The following DGKD variants were observed in gnomAD, a reference collection of about 807,000 sequenced individuals.
DGKD encodes the protein DAG kinase delta.
DGKD carries 68 observed loss-of-function variants against 154.4 expected under a neutral mutation model. The observed-to-expected ratio is 0.44, with a 90% CI of 0.36 to 0.54. The LOEUF (loss-of-function observed/expected upper bound fraction) is 0.54. Among genes scored for constraint, DGKD ranks in the 20% least tolerant of loss-of-function variants. The probability of loss-of-function intolerance (pLI) is 0.00; values close to 1 mark genes in which losing one functional copy is unlikely to be tolerated. For missense variants in DGKD, 1,343 were observed against 1,593.6 expected (o/e 0.84, Z 2.68); for synonymous variants, 693 against 638.0 (o/e 1.09, Z -1.30).
chr2:233,456,352 C>T (rs554986394), intron 19 of DGKD, among the ~76,000 whole-genome samples: 1 of 152,256 alleles, frequency 6.6e-6, no homozygotes, highest in Admixed American at 6.5e-5. Context: ...GCATTGCCGG[C>T]GCAGGGTAAA....
intron 3 of DGKD, among the ~76,000 whole-genome samples, chr2:233,410,475 A>G (rs1343573047): frequency 1.3e-5 from 2 of 152,180 alleles, no homozygotes; most frequent in African/African-American, 4.8e-5. Flanking sequence ...ATCACTAGAT[A>G]CCTTGGGGTG....
intron 3 of DGKD, among the ~76,000 whole-genome samples, chr2:233,400,352 G>A (rs2061530002): frequency 6.6e-6 from 1 of 152,222 alleles, no homozygotes; most frequent in Non-Finnish European, 1.5e-5. Flanking sequence ...TCGGAGGGCA[G>A]GGAGCCTGGA....
chr2:233,451,129 G>C lies in DGKD; in HGVS notation c.2167+79G>C, dbSNP rs916442749. 6.0e-6 allele frequency: 9 copies of C among 1,496,046 alleles called. No homozygotes were observed. In the South Asian group the frequency reaches 1.0e-4, roughly 17 times the overall value. The allele number at this position is 1,496,046 out of a possible 1,614,324, so 92.7% of individuals were successfully genotyped here. A position where few individuals can be genotyped will look rare whatever the true frequency, so the allele number is the denominator to read the frequency against. On this transcript the variant is annotated intron_variant, in intron 17 of 29. Transcript: ENST00000264057. ...CCGTCAAACTGAAAGAGATGGGCTCGCTGCCCTCGGAGAGTTTACAGGCCC... is the reference window on the plus strand; with the variant it reads ...CCGTCAAACTGAAAGAGATGGGCTCCCTGCCCTCGGAGAGTTTACAGGCCC...
chr2:233,462,461 T>A lies in DGKD; in HGVS notation c.3093+2T>A. The A allele has an allele frequency of 6.3e-7, 1 of 1,592,780 alleles. No homozygotes were observed. Among genetic ancestry groups the A allele is most frequent in the Non-Finnish European group, 8.6e-7 (1 of 1,164,126 alleles). On this transcript the variant is annotated splice_donor_variant, in intron 25 of 29. Transcript: ENST00000264057. LOFTEE classifies it high-confidence loss of function. ...TATGGCAAGCCCAGAACCACAGAGG[T>A]AGCTATTCTGGCCTTTTCAGTCCTG...
At chr2:233,461,722 T>C (rs113384188) in intron 24 of DGKD, among the ~76,000 whole-genome samples, 5 of 152,388 alleles carry the variant, frequency 3.3e-5, no homozygotes, top group African/African-American at 1.2e-4. Flanking sequence ...AGGAAGCTGC[T>C]GGCAGCGGCC....
chr2:233,393,005 C>T (rs1418533151), intron 3 of DGKD, among the ~76,000 whole-genome samples: 2 of 152,076 alleles, frequency 1.3e-5, no homozygotes, highest in African/African-American at 4.8e-5. Context: ...TTGAACAATT[C>T]TCCTTTTCTG....
At chr2:233,411,259 G>T (rs530435582) in intron 3 of DGKD, among the ~76,000 whole-genome samples, 1 of 152,268 alleles carries the variant, frequency 6.6e-6, no homozygotes, top group South Asian at 2.1e-4. Context: ...TTCTTAAGAG[G>T]CTGCTAAACT....
rs778641091 is a variant in DGKD at position 233,356,224 on chromosome 2, C to A, written c.156+1550C>A. ...AACCTTGCGTCTAGAGCTTTAGGCACAACTGCGAAATGATCAGAAGTTGGG... is the reference window on the plus strand; with the variant it reads ...AACCTTGCGTCTAGAGCTTTAGGCAAAACTGCGAAATGATCAGAAGTTGGG... On this transcript the variant is annotated intron_variant, in intron 1 of 29. Transcript: ENST00000264057. Among the ~76,000 whole-genome samples the A allele has an allele frequency of 2.6e-5, 4 of 152,322 alleles. No homozygotes were observed. In the East Asian group the frequency reaches 7.7e-4, roughly 29 times the overall value.
intron 1 of DGKD, among the ~76,000 whole-genome samples, chr2:233,380,497 A>G (rs1486622174): frequency 6.6e-6 from 1 of 152,222 alleles, no homozygotes; most frequent in Non-Finnish European, 1.5e-5. Context: ...CTGAGACTAC[A>G]CGTGTTCCCA....
intron 3 of DGKD, among the ~76,000 whole-genome samples, chr2:233,415,464 A>G (rs1006226406): frequency 6.6e-6 from 1 of 152,160 alleles, no homozygotes; most frequent in African/African-American, 2.4e-5. Flanking sequence ...GGGTGGTTGG[A>G]GACCCAGTAT....
intron 3 of DGKD, among the ~76,000 whole-genome samples, chr2:233,428,164 G>A (rs943739771): frequency 2.6e-5 from 4 of 152,200 alleles, no homozygotes; most frequent in Non-Finnish European, 4.4e-5. Context: ...TGCCTAAGGG[G>A]TGCCTGCTGG....
At chr2:233,447,206 G>C (rs964313897) in intron 12 of DGKD, among the ~76,000 whole-genome samples, 15 of 150,654 alleles carry the variant, frequency 1.0e-4, no homozygotes, top group Admixed American at 5.9e-4. Context: ...CCCGGCTCCT[G>C]CCCCGTCCCA....
chr2:233,398,614 T>C (rs1468321754), intron 3 of DGKD, among the ~76,000 whole-genome samples: 3 of 152,098 alleles, frequency 2.0e-5, no homozygotes, highest in African/African-American at 7.2e-5. Context: ...TTAGTTGTTG[T>C]CTTCAAGTCC....
chr2:233,430,758 T>G (rs1426051088), intron 3 of DGKD, among the ~76,000 whole-genome samples: 2 of 152,242 alleles, frequency 1.3e-5, no homozygotes, highest in Non-Finnish European at 2.9e-5. Flanking sequence ...CTAAAAAGTT[T>G]ATACCCTGTT....
intron 28 of DGKD, among the ~76,000 whole-genome samples, chr2:233,467,821 C>T (rs1422851070): frequency 6.6e-6 from 1 of 152,150 alleles, no homozygotes; most frequent in Non-Finnish European, 1.5e-5. Context: ...CAGGGCAGCT[C>T]CTGTGGGTTT....
At chr2:233,370,567 CTTCTTTTT>C (rs1330854199) in intron 1 of DGKD, among the ~76,000 whole-genome samples, 5 of 114,332 alleles carry the variant, frequency 4.4e-5, no homozygotes, top group Non-Finnish European at 8.8e-5. Flanking sequence ...TTCAGAACTT[CTTCTTTTT>C]TTTTTTTTTT....
intron 3 of DGKD, among the ~76,000 whole-genome samples, chr2:233,419,923 A>G (rs959455623): frequency 6.6e-5 from 10 of 151,920 alleles, no homozygotes; most frequent in African/African-American, 1.9e-4. Flanking sequence ...TCTCCTCTAA[A>G]AGCTCCCTTC....
At position 233,460,353 on chromosome 2, in the gene DGKD, C is replaced by T; in HGVS notation, c.2981+8C>T. The T allele has an allele frequency of 6.2e-7, 1 of 1,613,732 alleles. No homozygotes were observed. The highest frequency in any genetic ancestry group is 8.5e-7 in the Non-Finnish European group (1 of 1,179,866). ...AGGGGTCCTCATTCACAGGTGGGCT[C>T]CTACCCCTCTGCGTTGCGCATGAGC... On this transcript the variant is annotated splice_region_variant and intron_variant, in intron 24 of 29. Coordinates refer to ENST00000264057, the MANE Select transcript of DGKD (RefSeq NM_152879.3).
At chr2:233,406,753 C>G (rs1203806401) in intron 3 of DGKD, among the ~76,000 whole-genome samples, 1 of 152,154 alleles carries the variant, frequency 6.6e-6, no homozygotes. Flanking sequence ...ACAGAACAGA[C>G]GAGGAGCTCT....
Sources: allele counts gnomAD v4.1 joint callset (sites outside exome capture counted in the v4.1 genomes callset), GRCh38; gene constraint gnomAD v4.1.1; transcripts MANE v1.5; gene names NCBI Gene and HGNC (gene_info 2026-07-23, HGNC 2026-07-21).